Variants in LYRM4 observed in about 807,000 individuals in gnomAD.
The protein encoded by LYRM4 is LYR motif containing 4.
In LYRM4, 9 loss-of-function variants were observed where a neutral mutation model predicts 11.7. The observed-to-expected ratio is 0.77, with a 90% CI of 0.46 to 1.34. The LOEUF is 1.34. Among genes scored for constraint, LYRM4 ranks in the 40% most tolerant of loss-of-function variants. LYRM4 has a pLI of 0.00. For missense variants in LYRM4, 133 were observed against 112.5 expected (o/e 1.18, Z -0.82); for synonymous variants, 42 against 40.4 (o/e 1.04, Z -0.15).
intron 2 of LYRM4, among the ~76,000 whole-genome samples, chr6:5,141,877 G>C (rs1363948437): frequency 6.6e-6 from 1 of 152,152 alleles, no homozygotes; most frequent in African/African-American, 2.4e-5. Context: ...CCCAGAAGAA[G>C]AAACTGAGAT....
At chr6:5,113,324 C>T (rs1203875877) in intron 2 of LYRM4, 1 of 448,958 alleles carries the variant, frequency 2.2e-6, no homozygotes, top group Non-Finnish European at 4.5e-6. Context: ...ACTCAGGAGG[C>T]TGAGGCAGAA....
chr6:5,146,423 A>T (rs1196175759), intron 2 of LYRM4, among the ~76,000 whole-genome samples: 1 of 152,182 alleles, frequency 6.6e-6, no homozygotes, highest in East Asian at 1.9e-4. Flanking sequence ...AATGCCGAGA[A>T]GTTAGATAGT....
intron 1 of LYRM4, among the ~76,000 whole-genome samples, chr6:5,249,709 A>T (rs1479479281): frequency 1.3e-5 from 2 of 152,150 alleles, no homozygotes; most frequent in Non-Finnish European, 2.9e-5. Flanking sequence ...TAAATCTAGA[A>T]ACTCTCAGCT....
chr6:5,209,030 T>C (rs781263448), intron 2 of LYRM4, among the ~76,000 whole-genome samples: 1 of 152,204 alleles, frequency 6.6e-6, no homozygotes, highest in Non-Finnish European at 1.5e-5. Context: ...AGGATTTTTA[T>C]TGAAGTCCAA....
At chr6:5,209,690 T>C (rs536556766) in intron 2 of LYRM4, among the ~76,000 whole-genome samples, 3 of 152,276 alleles carry the variant, frequency 2.0e-5, no homozygotes, top group Admixed American at 6.5e-5. Flanking sequence ...TTATACGGCA[T>C]AGAATGGGTG....
chr6:5,099,736 C>A (rs1051965325), downstream of LYRM4, among the ~76,000 whole-genome samples: 25 of 152,150 alleles, frequency 1.6e-4, no homozygotes, highest in African/African-American at 6.0e-4. The surrounding 1 kb of genome is among the most constrained non-coding windows in gnomAD (Gnocchi z 4.3). Flanking sequence ...AGTCACCGCA[C>A]CTGGCACATC....
intron 2 of LYRM4, among the ~76,000 whole-genome samples, chr6:5,137,403 A>G (rs1757159195): frequency 6.6e-6 from 1 of 152,164 alleles, no homozygotes; most frequent in Non-Finnish European, 1.5e-5. Flanking sequence ...AAGCCCCAAC[A>G]TAGAATGGTT....
rs572601117 is a variant in LYRM4 at position 5,189,899 on chromosome 6, A to C, written c.207+26719T>G. On this transcript the variant is annotated intron_variant, in intron 2 of 2. Coordinates refer to ENST00000330636, the MANE Select transcript of LYRM4 (RefSeq NM_020408.6). ...TATAACAGAGGTTGATCTGACACAAAGAATTGTTTTCCTGGTCTAGAAAAG... is the reference window on the plus strand; with the variant it reads ...TATAACAGAGGTTGATCTGACACAACGAATTGTTTTCCTGGTCTAGAAAAG... 3.3e-5 allele frequency among the ~76,000 whole-genome samples: 5 copies of C among 152,350 alleles called. No individual in the cohort carries two copies. The South Asian group carries it at 1.0e-3, about 32-fold the overall frequency.
intron 1 of LYRM4, among the ~76,000 whole-genome samples, chr6:5,219,004 A>T (rs1762433077): frequency 6.6e-6 from 1 of 152,232 alleles, no homozygotes; most frequent in Admixed American, 6.5e-5. Context: ...TATTTGTTCC[A>T]CAGGCAAAAT....
Position 5,260,709 on chromosome 6 carries a change from C to T in LYRM4, c.25G>A (p.Val9Met), listed in dbSNP as rs1335099575. 15 of 1,549,690 alleles carry T rather than the reference C, an allele frequency of 9.7e-6. No individual in the cohort carries two copies. Among genetic ancestry groups the T allele is most frequent in the East Asian group, 2.4e-5 (1 of 41,688 alleles). The change falls in exon 1 of 3, where the codon GTG becomes ATG. Residue 9 changes from valine to methionine, a missense_variant. Transcript: ENST00000330636. ...AGCATCGCCCGGTACAGAGATAACA[C>T]TTGTGCGCGACTGGAGGCTGCCATT... MAASSRAQ[V>M]LSLYRAMLRE... is the part of the protein sequence containing the mutation.
At chr6:5,206,490 G>A (rs1761705810) in intron 2 of LYRM4, among the ~76,000 whole-genome samples, 2 of 152,182 alleles carry the variant, frequency 1.3e-5, no homozygotes, top group South Asian at 4.1e-4. Flanking sequence ...TTAAATTTAG[G>A]TTGTAACAAT....
chr6:5,237,845 C>T (rs1341710186), intron 1 of LYRM4, among the ~76,000 whole-genome samples: 3 of 152,198 alleles, frequency 2.0e-5, no homozygotes, highest in Non-Finnish European at 4.4e-5. Flanking sequence ...AACTGTTGTA[C>T]TTATGCTGAG....
chr6:5,116,734 T>C (rs1399008553), intron 2 of LYRM4, among the ~76,000 whole-genome samples: 3 of 152,288 alleles, frequency 2.0e-5, no homozygotes, highest in South Asian at 4.1e-4. Context: ...TAGAGTCCAT[T>C]GGAAAAGTAC....
At chr6:5,177,495 A>G (rs1184509165) in intron 2 of LYRM4, among the ~76,000 whole-genome samples, 1 of 152,170 alleles carries the variant, frequency 6.6e-6, no homozygotes, top group Non-Finnish European at 1.5e-5. Context: ...GTGTCAACAC[A>G]ATGATCATTC....
downstream of LYRM4, among the ~76,000 whole-genome samples, chr6:5,101,011 A>G (rs903047993): frequency 6.6e-6 from 1 of 151,980 alleles, no homozygotes; most frequent in African/African-American, 2.4e-5. Context: ...ACAGGGCCCT[A>G]GCTGGTCTCC....
chr6:5,062,208 C>T, the LYRM4 span, among the ~76,000 whole-genome samples: 1 of 148,184 alleles, frequency 6.7e-6, no homozygotes, highest in Non-Finnish European at 1.5e-5. Flanking sequence ...TTTCAGTCTC[C>T]CAAGTAGCTA....
At chr6:5,112,691 A>G (rs1762938118) in intron 2 of LYRM4, among the ~76,000 whole-genome samples, 1 of 152,126 alleles carries the variant, frequency 6.6e-6, no homozygotes. Context: ...TAGCATCTGG[A>G]ATGTGCTAGC....
intron 2 of LYRM4, among the ~76,000 whole-genome samples, chr6:5,209,779 G>A (rs1761896193): frequency 6.6e-6 from 1 of 152,196 alleles, no homozygotes. Context: ...TCCAGCAGAT[G>A]ATGTGGAACA....
the LYRM4 span, among the ~76,000 whole-genome samples, chr6:5,076,189 AC>A: frequency 6.6e-6 from 1 of 151,618 alleles, no homozygotes; most frequent in African/African-American, 2.4e-5. Flanking sequence ...CAAGTGATCC[AC>A]CCGTCTTGGC....
Sources: gnomAD v4.1 joint callset for allele counts (sites outside exome capture counted in the v4.1 genomes callset) on GRCh38, gnomAD v4.1.1 for gene constraint, Gnocchi (gnomAD v3.1) non-coding constraint, MANE v1.5 for transcripts, NCBI Gene and HGNC (gene_info 2026-07-23, HGNC 2026-07-21) for gene names.